IQUB: variants seen among roughly 807,000 people sequenced by gnomAD.
The protein encoded by IQUB is IQ motif and ubiquitin domain containing, also known as IQ motif and ubiquitin-like domain-containing protein.
IQUB carries 86 observed loss-of-function variants against 86.4 expected under a neutral mutation model. That is an observed-to-expected ratio of 1.00 (90% CI 0.84 to 1.19). The LOEUF (loss-of-function observed/expected upper bound fraction) is 1.19, where lower values mean the gene tolerates loss of function less well. IQUB is among the 50% of genes most tolerant of loss of function. The pLI, the probability that IQUB is intolerant of heterozygous loss-of-function variation, is 0.00. For missense variants in IQUB, 946 were observed against 916.9 expected, an observed-to-expected ratio of 1.03 and a Z score of -0.41; for synonymous variants, 289 against 304.5, an observed-to-expected ratio of 0.95 and a Z score of 0.53.
intron 8 of IQUB, among the ~76,000 whole-genome samples, chr7:123,471,314 G>A (rs752667298): frequency 8.6e-5 from 13 of 151,892 alleles, no homozygotes; most frequent in Non-Finnish European, 1.8e-4. Context: ...CCTTATTTTG[G>A]GTAGGCCTCA....
intron 8 of IQUB, among the ~76,000 whole-genome samples, chr7:123,472,653 G>C (rs184962486): frequency 1.3e-5 from 2 of 152,300 alleles, no homozygotes; most frequent in Non-Finnish European, 2.9e-5. Flanking sequence ...TGAAGTTCAA[G>C]TTCCCTAGAG....
chr7:123,452,958 TCA>T (rs765854848), intron 12 of IQUB, 33 bp from the exon 13 acceptor site: 5 of 1,546,910 alleles, frequency 3.2e-6, no homozygotes, highest in Non-Finnish European at 3.5e-6. Flanking sequence ...CTAGTAAATA[TCA>T]CAGATATATT....
At chr7:123,498,090 C>T (rs954703693) in intron 6 of IQUB, among the ~76,000 whole-genome samples, 1 of 151,806 alleles carries the variant, frequency 6.6e-6, no homozygotes, top group African/African-American at 2.4e-5. Context: ...AAAAAGCCCC[C>T]TATCCAGAAA....
At chr7:123,481,088 C>A (rs1245090902) in intron 7 of IQUB, among the ~76,000 whole-genome samples, 1 of 152,060 alleles carries the variant, frequency 6.6e-6, no homozygotes, top group Non-Finnish European at 1.5e-5. Flanking sequence ...TTAAATTGTT[C>A]AACCCCACCT....
Position 123,467,702 on chromosome 7 carries a change from T to C in IQUB, c.1581+1512A>G, listed in dbSNP as rs773913731. 6.6e-4 allele frequency among the ~76,000 whole-genome samples: 101 copies of C among 152,148 alleles called. 1 individual carries two copies. Among genetic ancestry groups the C allele is most frequent in the Non-Finnish European group, 3.5e-4 (24 of 68,022 alleles). On this transcript the variant is annotated intron_variant, in intron 9 of 12. Coordinates refer to ENST00000324698, the MANE Select transcript of IQUB (RefSeq NM_178827.5). Reference sequence around the variant, plus strand: ...CCTCACTACCCTTGATTTCTTGACCTGTGGAGTAAGAGCTATCATGATGAG... The same window carrying C: ...CCTCACTACCCTTGATTTCTTGACCCGTGGAGTAAGAGCTATCATGATGAG...
chr7:123,482,287 TA>T (rs1001457613), intron 7 of IQUB, among the ~76,000 whole-genome samples: 4 of 151,730 alleles, frequency 2.6e-5, no homozygotes, highest in Admixed American at 1.3e-4. Flanking sequence ...CAGAGCCAAG[TA>T]AAAAAAATTA....
intron 10 of IQUB, chr7:123,462,871 T>A (rs905944987): frequency 2.2e-6 from 1 of 454,716 alleles, no homozygotes; most frequent in African/African-American, 2.0e-5. Context: ...ATTCTTATTA[T>A]GATTATGATG....
At chr7:123,454,073 G>A (rs1042326878) in intron 12 of IQUB, among the ~76,000 whole-genome samples, 1 of 152,018 alleles carries the variant, frequency 6.6e-6, no homozygotes, top group East Asian at 1.9e-4. Flanking sequence ...GACCAAAAGA[G>A]CAGAAAACAT....
intron 10 of IQUB, chr7:123,462,762 C>T (rs779543187): frequency 6.8e-6 from 3 of 438,182 alleles, no homozygotes; most frequent in Non-Finnish European, 1.4e-5. Flanking sequence ...CTCATGAAAA[C>T]ACGTTAGCAC....
At chr7:123,484,196 A>C (rs551354244) in intron 7 of IQUB, among the ~76,000 whole-genome samples, 1 of 152,170 alleles carries the variant, frequency 6.6e-6, no homozygotes, top group South Asian at 2.1e-4. Flanking sequence ...CAGCAAGAAG[A>C]TTTATAAATT....
In IQUB at chr7:123,510,094, A is replaced by G; in HGVS notation, c.398-59T>C. On this transcript the variant is annotated intron_variant, in intron 2 of 12. Transcript: ENST00000324698. ...CAAATATAGCAAAGGTCAGCAAACT[A>G]CAGTCCACAAACAGATACAGAATTA... is the stretch of plus-strand genomic sequence containing the variant. The G allele has an allele frequency of 3.7e-6, 4 of 1,089,448 alleles. No individual in the cohort carries two copies. The South Asian group carries it at 4.6e-5, about 12-fold the overall frequency. 67.5% of individuals were successfully genotyped at this position (1,089,448 alleles called of 1,614,324 possible). A position where few individuals can be genotyped will look rare whatever the true frequency, so the allele number is the denominator to read the frequency against.
rs142837508 is a variant in IQUB, at chr7:123,471,101, T to C, written c.1411-1717A>G. ...AGAAACTTTAGATTCTCAGCTCCAGTTTCAATCCAGTAAATGAGAAGCTGC... is the reference window on the plus strand; with the variant it reads ...AGAAACTTTAGATTCTCAGCTCCAGCTTCAATCCAGTAAATGAGAAGCTGC... On this transcript the variant is annotated intron_variant, in intron 8 of 12. Transcript: ENST00000324698. 1.2e-3 allele frequency among the ~76,000 whole-genome samples: 190 copies of C among 152,188 alleles called. 1 individual carries two copies. The highest frequency in any genetic ancestry group is 4.2e-3 in the African/African-American group (175 of 41,550).
intron 11 of IQUB, chr7:123,458,148 C>A (rs1793803778): frequency 6.6e-6 from 1 of 151,812 alleles, no homozygotes; most frequent in African/African-American, 2.4e-5. Context: ...AATTAAAAGA[C>A]TTGGTTGTTT....
Position 123,503,262 on chromosome 7 carries a change from C to T in IQUB, c.634G>A (p.Val212Ile), listed in dbSNP as rs1223613369. The stretch of plus-strand genomic sequence containing the variant: ...TCAGTTAATCCATCTATTCTTCTGA[C>T]TGGATACAGATCTGGATTTGTAGAA... ...IFSTNPDLYPVRRIDGLTDVS... is the reference protein window; with the variant it reads ...IFSTNPDLYPIRRIDGLTDVS... The change falls in exon 4 of 13, where the codon GTC becomes ATC. Residue 212 changes from valine to isoleucine, a missense_variant. Val to Ile is a conservative substitution (Grantham distance 29). Coordinates refer to ENST00000324698, the MANE Select transcript of IQUB (RefSeq NM_178827.5). The T allele has an allele frequency of 6.2e-7, 1 of 1,610,792 alleles. No homozygotes were observed. The highest frequency in any genetic ancestry group is 1.3e-5 in the African/African-American group (1 of 74,850).
chr7:123,485,629 T>C (rs1358721671), intron 7 of IQUB, among the ~76,000 whole-genome samples: 1 of 152,164 alleles, frequency 6.6e-6, no homozygotes, highest in African/African-American at 2.4e-5. Context: ...GAAAGGAGAA[T>C]AGGACTAGCA....
chr7:123,510,219 A>G lies in IQUB; in HGVS notation c.398-184T>C, dbSNP rs552503304. Among the ~76,000 whole-genome samples the G allele has an allele frequency of 1.4e-4, 21 of 152,252 alleles. No homozygotes were observed. In the South Asian group the frequency reaches 4.3e-3, roughly 32 times the overall value. On this transcript the variant is annotated intron_variant, in intron 2 of 12. Coordinates refer to ENST00000324698, the MANE Select transcript of IQUB (RefSeq NM_178827.5). Reference sequence around the variant, plus strand: ...TTACTTTTAATTTTCTATAAGGAGAAGTAGCCAATATTTAGTTGCTTTGAA... The same window carrying G: ...TTACTTTTAATTTTCTATAAGGAGAGGTAGCCAATATTTAGTTGCTTTGAA...
At chr7:123,511,241 C>T (rs1416766777) in intron 2 of IQUB, among the ~76,000 whole-genome samples, 1 of 152,152 alleles carries the variant, frequency 6.6e-6, no homozygotes, top group Non-Finnish European at 1.5e-5. Flanking sequence ...ATGTTCTCCA[C>T]TCTGTAGGCA....
chr7:123,453,911 A>G (rs1474258939), intron 12 of IQUB, among the ~76,000 whole-genome samples: 1 of 152,154 alleles, frequency 6.6e-6, no homozygotes, highest in African/African-American at 2.4e-5. Flanking sequence ...ATAATCTATT[A>G]CCTATTAATC....
chr7:123,519,595 A>C lies in IQUB; in HGVS notation c.-4-7251T>G, dbSNP rs987509695. 2.0e-5 allele frequency among the ~76,000 whole-genome samples: 3 copies of C among 152,298 alleles called. No homozygotes were observed. The South Asian group carries it at 6.2e-4, about 32-fold the overall frequency. On this transcript the variant is annotated intron_variant, in intron 1 of 12. Coordinates refer to ENST00000324698, the MANE Select transcript of IQUB (RefSeq NM_178827.5). ...CTCATTCAAAAGTAGGAGCTTAAAA[A>C]GTTGATCTCACAAGGATAGAGAGTA...
Sources: allele counts gnomAD v4.1 joint callset (sites outside exome capture counted in the v4.1 genomes callset), GRCh38; gene constraint gnomAD v4.1.1; transcripts MANE v1.5; gene names NCBI Gene and HGNC (gene_info 2026-07-23, HGNC 2026-07-21).